The following DNAH7 variants were observed in gnomAD, a reference collection of about 807,000 sequenced individuals.
DNAH7 encodes the protein dynein axonemal heavy chain 7.
In DNAH7, 397 loss-of-function variants were observed where a neutral mutation model predicts 444.6. The ratio of observed to expected loss-of-function variants is 0.89; its 90% CI spans 0.82 to 0.97. The LOEUF (loss-of-function observed/expected upper bound fraction) is 0.97. Ranked by LOEUF, DNAH7 falls within the 50% of genes least tolerant of loss-of-function variation. The pLI is 0.00. For synonymous variants in DNAH7, 1,636 were observed against 1,624.4 expected, an observed-to-expected ratio of 1.01 and a Z score of -0.17; for missense variants, 4,902 against 4,800.8, an observed-to-expected ratio of 1.02 and a Z score of -0.62.
chr2:195,739,745 G>T (rs183287403), intron 64 of DNAH7, among the ~76,000 whole-genome samples: 246 of 152,194 alleles, frequency 1.6e-3, no homozygotes, highest in African/African-American at 5.6e-3. Flanking sequence ...AAAATCAATT[G>T]GCAGCATTGT....
chr2:195,843,551 C>G (rs78836216), intron 47 of DNAH7, among the ~76,000 whole-genome samples: 1 of 152,078 alleles, frequency 6.6e-6, no homozygotes, highest in Admixed American at 6.6e-5. Flanking sequence ...TATCAGAAAG[C>G]GTCAAACTTA....
Position 195,756,140 on chromosome 2 carries a change from A to T in DNAH7, c.11579T>A (p.Phe3860Tyr). 6.3e-7 allele frequency: 1 copy of T among 1,595,892 alleles called. No homozygotes were observed. The highest frequency in any genetic ancestry group is 8.5e-7 in the Non-Finnish European group (1 of 1,169,712). The part of the protein sequence containing the change: ...YVNDFLARLK[F>Y]LQQWYEVGPP... ...TCATTTAGACGAACTTACCTGCAAGAATTTTAGTCTTGCAAGGAAGTCATT... is the reference window on the plus strand; with the variant it reads ...TCATTTAGACGAACTTACCTGCAAGTATTTTAGTCTTGCAAGGAAGTCATT... Residue 3860 changes from phenylalanine (F) to tyrosine (Y), a missense_variant, in exon 62 of 65, where the codon TTC (phenylalanine) becomes TAC (tyrosine). Transcript: ENST00000312428.
chr2:195,895,839 A>G (rs563777803), intron 29 of DNAH7, among the ~76,000 whole-genome samples: 1 of 152,272 alleles, frequency 6.6e-6, no homozygotes, highest in Non-Finnish European at 1.5e-5. Context: ...GGCTTCCTTC[A>G]CATGGCATAA....
chr2:195,761,288 CAGTA>C (rs1574390085), intron 61 of DNAH7, among the ~76,000 whole-genome samples: 1 of 151,842 alleles, frequency 6.6e-6, no homozygotes, highest in Admixed American at 6.6e-5. Flanking sequence ...TGAAAATACA[CAGTA>C]AGATGAGATA....
rs568001004 is a variant in DNAH7, at chr2:195,739,773, A to G, written c.11868+993T>C. 2.8e-4 allele frequency among the ~76,000 whole-genome samples: 42 copies of G among 152,310 alleles called. 1 individual carries two copies. The South Asian group carries it at 7.0e-3, about 26-fold the overall frequency. On this transcript the variant is annotated intron_variant, in intron 64 of 64. Transcript: ENST00000312428. ...AGCATTGTCACGCTCCTTGGTGGAC[A>G]TTTGCAGAGCATCAAAGATTTGCAT... is the stretch of plus-strand genomic sequence containing the variant.
chr2:195,753,209 C>G (rs546910616), intron 63 of DNAH7, among the ~76,000 whole-genome samples: 1 of 151,262 alleles, frequency 6.6e-6, no homozygotes, highest in Non-Finnish European at 1.5e-5. Context: ...GCTAAAAGCT[C>G]TCTTCAGATG....
At chr2:195,744,059 G>A (rs1184780227) in intron 63 of DNAH7, among the ~76,000 whole-genome samples, 1 of 152,222 alleles carries the variant, frequency 6.6e-6, no homozygotes. Context: ...GCAGGGCAAG[G>A]CATTGCCTCA....
intron 19 of DNAH7, among the ~76,000 whole-genome samples, chr2:195,952,340 C>T (rs1422046739): frequency 6.6e-6 from 1 of 152,116 alleles, no homozygotes; most frequent in Non-Finnish European, 1.5e-5. Context: ...GTAACCCGAC[C>T]TTTCTGGCTG....
chr2:195,753,002 T>C (rs760487069), intron 63 of DNAH7, among the ~76,000 whole-genome samples: 2 of 152,118 alleles, frequency 1.3e-5, no homozygotes, highest in Admixed American at 6.6e-5. Context: ...AGAAAGACAA[T>C]TGAAATGGCT....
chr2:195,811,910 C>T (rs574547989), intron 51 of DNAH7, among the ~76,000 whole-genome samples: 50 of 152,216 alleles, frequency 3.3e-4, no homozygotes, highest in Non-Finnish European at 5.7e-4. Flanking sequence ...TGGGCATGGG[C>T]GAAGCTAACT....
At chr2:196,029,017 A>G (rs1695866348) in intron 5 of DNAH7, among the ~76,000 whole-genome samples, 1 of 152,246 alleles carries the variant, frequency 6.6e-6, no homozygotes, top group Non-Finnish European at 1.5e-5. Context: ...GTTTAATTCA[A>G]TAGATAGCTA....
At chr2:195,833,874 C>A (rs1201761134) in intron 48 of DNAH7, among the ~76,000 whole-genome samples, 3 of 152,102 alleles carry the variant, frequency 2.0e-5, no homozygotes, top group African/African-American at 7.2e-5. Context: ...CCTGCCTCAG[C>A]CTCCTGAGTA....
chr2:195,832,260 T>C (rs1574515131), intron 48 of DNAH7, among the ~76,000 whole-genome samples: 1 of 152,162 alleles, frequency 6.6e-6, no homozygotes, highest in Non-Finnish European at 1.5e-5. Context: ...AATTATGGAA[T>C]TCTAACATCA....
At chr2:195,953,986 G>A (rs1171396513) in intron 19 of DNAH7, among the ~76,000 whole-genome samples, 1 of 152,152 alleles carries the variant, frequency 6.6e-6, no homozygotes, top group African/African-American at 2.4e-5. Flanking sequence ...TGGAGAAAGA[G>A]AAAATGCAAA....
intron 35 of DNAH7, 28 bp downstream of exon 35, chr2:195,884,557 G>A (rs75729839): frequency 0.011 from 17,910 of 1,570,404 alleles, 140 homozygotes; most frequent in Middle Eastern, 0.018. Context: ...CAGGCTGGCA[G>A]CTGCAAATCT....
rs1305199953 is a variant in DNAH7, at chr2:195,794,527, T to C, written c.10527A>G (p.Pro3509=). The change falls in exon 57 of 65, where the codon CCA becomes CCG. Residue 3509 remains proline, a synonymous_variant. Coordinates refer to ENST00000312428, the MANE Select transcript of DNAH7 (RefSeq NM_018897.3). The stretch of plus-strand genomic sequence containing the variant: ...TTCGGAAATCTGGATGTGTTGACTC[T>C]GGGCTTAACTCCTGTAAGAAAATAA... ...TLEKVCEELS[P]ESTHPDFRMW... The C allele has an allele frequency of 1.9e-6, 3 of 1,614,018 alleles. No homozygotes were observed. Among genetic ancestry groups the C allele is most frequent in the Admixed American group, 1.7e-5 (1 of 60,010 alleles).
At chr2:195,812,803 A>G (rs1697032644) in intron 51 of DNAH7, among the ~76,000 whole-genome samples, 1 of 152,252 alleles carries the variant, frequency 6.6e-6, no homozygotes, top group African/African-American at 2.4e-5. Flanking sequence ...ACTATCGTCC[A>G]ATAACTGCCT....
chr2:196,057,817 A>G (rs1295598387), intron 2 of DNAH7, among the ~76,000 whole-genome samples: 1 of 152,212 alleles, frequency 6.6e-6, no homozygotes, highest in Non-Finnish European at 1.5e-5. Context: ...ATTCTGTAAA[A>G]TCTAACCTGG....
At chr2:196,036,847 C>T in intron 5 of DNAH7, among the ~76,000 whole-genome samples, 1 of 152,160 alleles carries the variant, frequency 6.6e-6, no homozygotes, top group East Asian at 1.9e-4. Flanking sequence ...TGCCTAGAGA[C>T]CTAAGGACTG....
Sources: allele counts gnomAD v4.1 joint callset (sites outside exome capture counted in the v4.1 genomes callset), GRCh38; gene constraint gnomAD v4.1.1; transcripts MANE v1.5; gene names NCBI Gene and HGNC (gene_info 2026-07-23, HGNC 2026-07-21).